ABCB9: variants seen among roughly 807,000 people sequenced by gnomAD.
The protein encoded by ABCB9 is ATP binding cassette subfamily B member 9, also known as ABC-type oligopeptide transporter ABCB9.
A neutral mutation model predicts 62.0 loss-of-function variants in ABCB9; 36 were observed. That is an observed-to-expected ratio of 0.58 (90% CI 0.45 to 0.77). The LOEUF (loss-of-function observed/expected upper bound fraction) is 0.77. ABCB9 is among the 30% of genes least tolerant of loss of function. The pLI is 0.00. For synonymous variants in ABCB9, 435 were observed against 461.4 expected, an observed-to-expected ratio of 0.94 and a Z score of 0.73; for missense variants, 943 against 1,054.7, an observed-to-expected ratio of 0.89 and a Z score of 1.47.
At chr12:122,941,123 G>T in intron 7 of ABCB9, 128 bp from the exon 8 acceptor site, 2 of 949,578 alleles carry the variant, frequency 2.1e-6, no homozygotes, top group Non-Finnish European at 3.1e-6. Context: ...GAGGCCACCT[G>T]ACCACCCACT....
At chr12:122,946,411 G>A in intron 5 of ABCB9, 189 bp from the exon 6 acceptor site, 2 of 618,270 alleles carry the variant, frequency 3.2e-6, no homozygotes, top group Non-Finnish European at 5.7e-6. Context: ...GACACACTCA[G>A]GTAGTCAACT....
intron 11 of ABCB9, chr12:122,931,712 C>T (rs1223171512): frequency 2.3e-5 from 4 of 173,306 alleles, no homozygotes; most frequent in Non-Finnish European, 4.9e-5. Context: ...GGCACAATCT[C>T]GGCTGACTGC....
Position 122,946,212 on chromosome 12 carries a change from T to C in ABCB9, c.1064A>G (p.Lys355Arg). ...IYGKYYKRLSKEVQNALARAS... is the reference protein window; with the variant it reads ...IYGKYYKRLSREVQNALARAS... ...TCTGGCCAGGGCATTCTGGACCTCT[T>C]TGGAGAGCCTCTATGGACAGGAGGG... Residue 355 changes from lysine to arginine, a missense_variant, in exon 6 of 12, where the codon AAA (lysine) becomes AGA (arginine). By Grantham distance (26) the Lys-to-Arg change is conservative. Transcript: ENST00000280560. The C allele has an allele frequency of 7.4e-6, 12 of 1,614,076 alleles. No homozygotes were observed. Among genetic ancestry groups the C allele is most frequent in the Non-Finnish European group, 1.0e-5 (12 of 1,180,022 alleles).
rs756155243 is a variant in ABCB9, at chr12:122,940,098, C to T, written c.1743+13G>A. 1.2e-6 allele frequency: 2 copies of T among 1,605,264 alleles called. No individual in the cohort carries two copies. The highest frequency in any genetic ancestry group is 1.7e-4 in the Middle Eastern group (1 of 6,042). On this transcript the variant is annotated intron_variant, in intron 9 of 11. Transcript: ENST00000280560. The surrounding 1 kb of genome is among the most constrained non-coding windows in gnomAD (Gnocchi z 4.8). The stretch of plus-strand genomic sequence containing the variant: ...AAAGGGCGGAGAAGTGTGGCCCAGG[C>T]CCGTGCACATACCACACGGTGCAAG...
At position 122,940,959 on chromosome 12, in the gene ABCB9, C is replaced by A; in HGVS notation, c.1417G>T (p.Val473Leu). The stretch of plus-strand genomic sequence containing the variant: ...TCGAACACCTTCTCAGCAGCCCCCA[C>A]TCCCTGCATCAGGCCACTGTAGACG... Reference protein sequence around the residue: ...GSVYSGLMQGVGAAEKVFEFI... With the variant: ...GSVYSGLMQGLGAAEKVFEFI... Residue 473 changes from valine to leucine, a missense_variant, in exon 8 of 12, where the codon GTG becomes TTG. Coordinates refer to ENST00000280560, the MANE Select transcript of ABCB9 (RefSeq NM_019625.4). The surrounding 1 kb of genome is among the most constrained non-coding windows in gnomAD (Gnocchi z 4.8). The A allele has an allele frequency of 6.2e-7, 1 of 1,612,264 alleles. No homozygotes were observed. Among genetic ancestry groups the A allele is most frequent in the South Asian group, 1.1e-5 (1 of 90,808 alleles).
In ABCB9 at chr12:122,946,235, G is replaced by A; in HGVS notation, c.1054-13C>T. 2 of 1,613,918 alleles carry A rather than the reference G, an allele frequency of 1.2e-6. No homozygotes were observed. Among genetic ancestry groups the A allele is most frequent in the Non-Finnish European group, 8.5e-7 (1 of 1,179,974 alleles). On this transcript the variant is annotated splice_polypyrimidine_tract_variant and intron_variant, in intron 5 of 11. Coordinates refer to ENST00000280560, the MANE Select transcript of ABCB9 (RefSeq NM_019625.4). ...CTTTGGAGAGCCTCTATGGACAGGA[G>A]GGGGACAAGAAGGAGAAGACCCCAA... is the stretch of plus-strand genomic sequence containing the variant.
In ABCB9 at chr12:122,944,284, A is replaced by T; in HGVS notation, c.1380+107T>A. The T allele has an allele frequency of 6.8e-7, 1 of 1,471,346 alleles. No homozygotes were observed. The highest frequency in any genetic ancestry group is 9.1e-7 in the Non-Finnish European group (1 of 1,093,632). 91.1% of individuals were successfully genotyped at this position (1,471,346 alleles called of 1,614,324 possible). On this transcript the variant is annotated intron_variant, in intron 7 of 11. Transcript: ENST00000280560. The surrounding 1 kb of genome is among the most constrained non-coding windows in gnomAD (Gnocchi z 4.9). ...GTCTCCCCTACTTACCTTAGAGAGA[A>T]ATACCACATTGTCAGAGTCCCTGGA... is the stretch of plus-strand genomic sequence containing the variant.
At chr12:122,963,014 C>G (rs1218705472) in intron 1 of ABCB9, among the ~76,000 whole-genome samples, 1 of 152,198 alleles carries the variant, frequency 6.6e-6, no homozygotes, top group Admixed American at 6.5e-5. Flanking sequence ...CTACCAGGGG[C>G]CAGGCATGGT....
rs2035553301 is a variant in ABCB9 at position 122,938,110 on chromosome 12, C to T, written c.1743+2001G>A. Reference sequence around the variant, plus strand: ...GCAGTTGGGGATGTACATCCACTATCACCAAGCTTTCTACTCTTAGGATTA... The same window carrying T: ...GCAGTTGGGGATGTACATCCACTATTACCAAGCTTTCTACTCTTAGGATTA... On this transcript the variant is annotated intron_variant, in intron 9 of 11. Coordinates refer to ENST00000280560, the MANE Select transcript of ABCB9 (RefSeq NM_019625.4). Among the ~76,000 whole-genome samples, 3 of 152,228 alleles carry T rather than the reference C, an allele frequency of 2.0e-5. No individual in the cohort carries two copies. In the South Asian group the frequency reaches 6.2e-4, roughly 31 times the overall value.
At chr12:122,922,195 C>G (rs1284336445) in intron 11 of ABCB9, among the ~76,000 whole-genome samples, 1 of 152,104 alleles carries the variant, frequency 6.6e-6, no homozygotes, top group Non-Finnish European at 1.5e-5. Flanking sequence ...CTTATCATGC[C>G]AGGGTTTGTT....
rs1036494114 is a variant in ABCB9 at position 122,940,435 on chromosome 12, A to G, written c.1570-151T>C. On this transcript the variant is annotated intron_variant, in intron 8 of 11. Transcript: ENST00000280560. This position sits in a 1 kb window ranked among gnomAD's most constrained non-coding sequence, Gnocchi z 4.8. ...CTGCTGGCCCCTAAACGTTCTTTCT[A>G]AGACACTAGGACTTGGAAGCACCTT... The G allele has an allele frequency of 3.2e-6, 3 of 924,170 alleles. No individual in the cohort carries two copies. The allele number at this position is 924,170 out of a possible 1,614,324, so 57.2% of individuals were successfully genotyped here.
chr12:122,947,756 C>T lies in ABCB9; in HGVS notation c.1053+868G>A, dbSNP rs1289500723. 2.8e-5 allele frequency: 4 copies of T among 140,660 alleles called. No homozygotes were observed. Among genetic ancestry groups the T allele is most frequent in the South Asian group, 8.3e-5 (1 of 11,984 alleles). The allele number at this position is 140,660 out of a possible 1,614,324, so 8.7% of individuals were successfully genotyped here. On this transcript the variant is annotated intron_variant, in intron 5 of 11. Coordinates refer to ENST00000280560, the MANE Select transcript of ABCB9 (RefSeq NM_019625.4). This position sits in a 1 kb window ranked among gnomAD's most constrained non-coding sequence, Gnocchi z 6.0. ...CAGCCTGCCCATGATGGCATCACAG[C>T]GGGCCCGCGATGGCATCACAGCGGG...
chr12:122,928,929 C>T, downstream of ABCB9: 9 of 879,536 alleles, frequency 1.0e-5, no homozygotes, highest in Non-Finnish European at 1.2e-5. Context: ...GAGAGGAGAG[C>T]CGTGGTCTGG....
intron 9 of ABCB9, among the ~76,000 whole-genome samples, chr12:122,937,994 C>A (rs1232346357): frequency 6.6e-6 from 1 of 152,176 alleles, no homozygotes; most frequent in South Asian, 2.1e-4. Flanking sequence ...TGTGGAACAG[C>A]TGAAACTCTC....
chr12:122,921,439 T>C (rs2034744515), intron 11 of ABCB9, among the ~76,000 whole-genome samples: 1 of 151,654 alleles, frequency 6.6e-6, no homozygotes, highest in African/African-American at 2.4e-5. Flanking sequence ...AATAAATAAA[T>C]GCAATGGTTA....
At chr12:122,950,194 T>C (rs1392914480) in intron 3 of ABCB9, among the ~76,000 whole-genome samples, 1 of 152,178 alleles carries the variant, frequency 6.6e-6, no homozygotes, top group Non-Finnish European at 1.5e-5. Context: ...ACCAGATTCC[T>C]ACTTGGAAAA....
intron 9 of ABCB9, among the ~76,000 whole-genome samples, chr12:122,938,656 G>A (rs780604041): frequency 5.3e-5 from 8 of 151,810 alleles, no homozygotes; most frequent in African/African-American, 1.5e-4. Context: ...GTGAAATGCC[G>A]TCTCTACTAA....
chr12:122,938,346 C>T (rs1337520414), intron 9 of ABCB9, among the ~76,000 whole-genome samples: 1 of 151,746 alleles, frequency 6.6e-6, no homozygotes, highest in Non-Finnish European at 1.5e-5. Flanking sequence ...TCAGCCTGGG[C>T]AACATGGTGA....
intron 7 of ABCB9, among the ~76,000 whole-genome samples, chr12:122,942,926 A>T (rs941503049): frequency 2.6e-5 from 4 of 152,194 alleles, no homozygotes; most frequent in African/African-American, 7.2e-5. Context: ...GAGTCAAATA[A>T]TATGGCAGGT....
Sources: allele counts gnomAD v4.1 joint callset (sites outside exome capture counted in the v4.1 genomes callset), GRCh38; gene constraint gnomAD v4.1.1; non-coding constraint Gnocchi (gnomAD v3.1); transcripts MANE v1.5; gene names NCBI Gene and HGNC (gene_info 2026-07-23, HGNC 2026-07-21).